ATIC: variants seen among roughly 807,000 people sequenced by gnomAD.
ATIC encodes bifunctional purine biosynthesis protein ATIC.
ATIC carries 64 observed loss-of-function variants against 72.5 expected under a neutral mutation model. The observed-to-expected ratio is 0.88, with a 90% CI of 0.72 to 1.09. The LOEUF (loss-of-function observed/expected upper bound fraction) is 1.09, where lower values mean the gene tolerates loss of function less well. Among genes scored for constraint, ATIC ranks in the 50% least tolerant of loss-of-function variants. ATIC has a pLI of 0.00. For synonymous variants in ATIC, 281 were observed against 267.1 expected, an observed-to-expected ratio of 1.05 and a Z score of -0.51; for missense variants, 787 against 732.4, an observed-to-expected ratio of 1.07 and a Z score of -0.86.
chr2:215,328,756 C>T (rs1186230830), intron 7 of ATIC, among the ~76,000 whole-genome samples: 1 of 140,044 alleles, frequency 7.1e-6, no homozygotes, highest in African/African-American at 2.7e-5. Context: ...TCACTCTTTT[C>T]GCCCAGGCTG....
At chr2:215,314,594 G>A (rs1008238225) in intron 2 of ATIC, among the ~76,000 whole-genome samples, 9 of 151,936 alleles carry the variant, frequency 5.9e-5, no homozygotes, top group Non-Finnish European at 1.5e-5. Context: ...TGCCTCCCAG[G>A]TTCAAACGAT....
chr2:215,347,738 G>A (rs2053087160), intron 14 of ATIC: 1 of 467,784 alleles, frequency 2.1e-6, no homozygotes. Flanking sequence ...GATATTACCA[G>A]TCAACCCCTG....
In ATIC at chr2:215,318,658, C is replaced by T. The variant is rs146031624; in HGVS notation, c.223+425C>T. Among the ~76,000 whole-genome samples the T allele has an allele frequency of 2.3e-3, 345 of 151,880 alleles. 1 individual carries two copies. Among genetic ancestry groups the T allele is most frequent in the Middle Eastern group, 0.014 (4 of 294 alleles). ...ACCTAAGAATGAATTGTATATAAAC[C>T]GAAACGGCAAGAAACTGGTATCCTC... On this transcript the variant is annotated intron_variant, in intron 3 of 15. Coordinates refer to ENST00000236959, the MANE Select transcript of ATIC (RefSeq NM_004044.7).
chr2:215,361,460 AAAG>A, the ATIC span: 25 of 918,092 alleles, frequency 2.7e-5, no homozygotes, highest in African/African-American at 8.1e-5. Flanking sequence ...CTTAAGAAAG[AAAG>A]AAGAACTCTA....
intron 2 of ATIC, 130 bp from the exon 3 acceptor site, chr2:215,318,027 T>C (rs1330821019): frequency 9.8e-6 from 8 of 820,056 alleles, no homozygotes; most frequent in African/African-American, 1.7e-5. Context: ...GTGAAATACT[T>C]TAAAAAATCA....
At position 215,326,902 on chromosome 2, in the gene ATIC, G is replaced by C; in HGVS notation, c.612G>C (p.Met204Ile). The change falls in exon 7 of 16, where the codon ATG becomes ATC. Residue 204 changes from methionine to isoleucine, a missense_variant. Met to Ile is a conservative substitution (Grantham distance 10). Coordinates refer to ENST00000236959, the MANE Select transcript of ATIC (RefSeq NM_004044.7). ...AGTACAGCAAAGGCGTATCTCAGAT[G>C]CCCTTGAGATATGGAATGAACCCAC... ...RKQYSKGVSQ[M>I]PLRYGMNPHQ... 6.2e-7 allele frequency: 1 copy of C among 1,614,128 alleles called. No individual in the cohort carries two copies. Among genetic ancestry groups the C allele is most frequent in the Non-Finnish European group, 8.5e-7 (1 of 1,180,024 alleles).
intron 7 of ATIC, among the ~76,000 whole-genome samples, chr2:215,329,555 A>G (rs189369494): frequency 6.6e-6 from 1 of 152,342 alleles, no homozygotes; most frequent in Non-Finnish European, 1.5e-5. Flanking sequence ...GATTGTATCT[A>G]AAACAAAATT....
intron 7 of ATIC, among the ~76,000 whole-genome samples, chr2:215,331,444 G>A (rs1428619965): frequency 2.0e-5 from 3 of 148,986 alleles, no homozygotes; most frequent in African/African-American, 7.4e-5. Context: ...GTGCAGTGGC[G>A]CGGTTTCGGC....
At chr2:215,357,572 T>C in the ATIC span, among the ~76,000 whole-genome samples, 1 of 152,248 alleles carries the variant, frequency 6.6e-6, no homozygotes, top group Non-Finnish European at 1.5e-5. Flanking sequence ...AATTTCCCAT[T>C]TGGGACTTTC....
the ATIC span, among the ~76,000 whole-genome samples, chr2:215,367,368 A>G: frequency 1.3e-5 from 2 of 152,172 alleles, no homozygotes; most frequent in East Asian, 1.9e-4. Flanking sequence ...ATTTCTAGCA[A>G]CGTTCAAGCT....
chr2:215,356,222 C>T, the ATIC span, among the ~76,000 whole-genome samples: 2 of 152,146 alleles, frequency 1.3e-5, no homozygotes, highest in East Asian at 3.9e-4. Flanking sequence ...GCTGATTATT[C>T]TTTTCATAAT....
chr2:215,355,809 C>T, the ATIC span, among the ~76,000 whole-genome samples: 3 of 152,222 alleles, frequency 2.0e-5, no homozygotes, highest in Non-Finnish European at 2.9e-5. Flanking sequence ...TGCTTGATTA[C>T]GGCTCCATCT....
At chr2:215,339,666 G>A (rs148074432) in intron 12 of ATIC, among the ~76,000 whole-genome samples, 4,632 of 151,876 alleles carry the variant, frequency 0.03, 242 homozygotes, top group African/African-American at 0.1. Flanking sequence ...ACAGAGTCTT[G>A]CTCTGTCACC....
the ATIC span, chr2:215,365,054 G>T: frequency 9.7e-7 from 1 of 1,029,696 alleles, no homozygotes; most frequent in East Asian, 2.6e-5. Flanking sequence ...TCTAGGGGTG[G>T]GTTCTATTTC....
intron 1 of ATIC, 98 bp downstream of exon 1, chr2:215,312,259 G>A (rs2052660421): frequency 1.4e-6 from 2 of 1,451,232 alleles, no homozygotes; most frequent in Non-Finnish European, 1.8e-6. Context: ...CTGCAGGGGC[G>A]GCGCTGCGGG....
chr2:215,339,019 C>A, intron 12 of ATIC, 112 bp downstream of exon 12: 1 of 1,403,108 alleles, frequency 7.1e-7, no homozygotes, highest in Non-Finnish European at 1.0e-6. Context: ...TCTGTATGCA[C>A]ACGGCTAGCT....
intron 10 of ATIC, among the ~76,000 whole-genome samples, chr2:215,335,428 G>A (rs2106023788): frequency 6.6e-6 from 1 of 152,270 alleles, no homozygotes; most frequent in African/African-American, 2.4e-5. Flanking sequence ...TGGGGGTACT[G>A]TTGGTAGTAG....
chr2:215,316,489 A>G (rs904313118), intron 2 of ATIC, among the ~76,000 whole-genome samples: 2 of 152,328 alleles, frequency 1.3e-5, no homozygotes, highest in East Asian at 3.9e-4. Flanking sequence ...TAATAAGCCC[A>G]GGAGTTCTAG....
chr2:215,316,541 C>T (rs2052711716), intron 2 of ATIC, among the ~76,000 whole-genome samples: 1 of 152,176 alleles, frequency 6.6e-6, no homozygotes, highest in African/African-American at 2.4e-5. Flanking sequence ...AATCACTGTA[C>T]TCCAGGCTGG....
Sources: allele counts gnomAD v4.1 joint callset (sites outside exome capture counted in the v4.1 genomes callset), GRCh38; gene constraint gnomAD v4.1.1; transcripts MANE v1.5; gene names NCBI Gene and HGNC (gene_info 2026-07-23, HGNC 2026-07-21).